Variants in SPATA13 observed in about 807,000 individuals in gnomAD.
SPATA13 encodes the protein spermatogenesis-associated protein 13.
SPATA13 carries 50 observed loss-of-function variants against 104.0 expected under a neutral mutation model. The observed-to-expected ratio is 0.48, with a 90% CI of 0.38 to 0.61. The LOEUF is 0.61. Ranked by LOEUF, SPATA13 falls within the 20% of genes least tolerant of loss-of-function variation. The probability of loss-of-function intolerance (pLI) is 0.00; values close to 1 mark genes in which losing one functional copy is unlikely to be tolerated. For missense variants in SPATA13, 1,524 were observed against 1,690.6 expected (o/e 0.90, Z 1.73); for synonymous variants, 606 against 667.5 (o/e 0.91, Z 1.42).
chr13:24,192,765 T>C (rs1042715091), intron 1 of SPATA13, among the ~76,000 whole-genome samples: 1 of 151,980 alleles, frequency 6.6e-6, no homozygotes, highest in Non-Finnish European at 1.5e-5. Context: ...AGGGGTGCCA[T>C]GGAGACAGAT....
chr13:24,300,969 G>T (rs142739512), intron 12 of SPATA13, among the ~76,000 whole-genome samples: 1 of 152,142 alleles, frequency 6.6e-6, no homozygotes, highest in Non-Finnish European at 1.5e-5. Flanking sequence ...AAAAAGACAC[G>T]TGAGCTGATT....
chr13:24,172,520 G>A (rs1259334737), intron 1 of SPATA13, among the ~76,000 whole-genome samples: 1 of 152,152 alleles, frequency 6.6e-6, no homozygotes, highest in African/African-American at 2.4e-5. Context: ...ATCCATTCAA[G>A]TTAATTTTTG....
chr13:24,138,305 G>GAAA (rs758105978), intron 3 of SPATA13, among the ~76,000 whole-genome samples: 4 of 50,240 alleles, frequency 8.0e-5, no homozygotes, highest in East Asian at 2.4e-3. Context: ...GACTCCGTCT[G>GAAA]AAAAAAAAAA....
chr13:24,122,091 C>T (rs942858102), intron 3 of SPATA13: 2 of 1,609,620 alleles, frequency 1.2e-6, no homozygotes, highest in African/African-American at 1.3e-5. Flanking sequence ...GCTGGGCCTC[C>T]AAAATTGAAA....
intron 3 of SPATA13, among the ~76,000 whole-genome samples, chr13:24,124,690 A>G (rs1020995608): frequency 6.6e-6 from 1 of 152,210 alleles, no homozygotes; most frequent in Middle Eastern, 3.2e-3. Context: ...TTGTATAGAT[A>G]CTGCTTTTGT....
At position 24,286,388 on chromosome 13, in the gene SPATA13, G is replaced by C. The variant is rs142244461; in HGVS notation, c.2476G>C (p.Val826Leu). ...DKEAWFPASF[V>L]RLRVNQEELS... The stretch of plus-strand genomic sequence containing the variant: ...GGAAGCCTGGTTCCCCGCGAGCTTC[G>C]TCAGAGTAAGTGTGGGGTGCTTGCA... Residue 826 changes from valine (V) to leucine (L), a missense_variant, in exon 6 of 13, where the codon GTC becomes CTC. Transcript: ENST00000382108. The surrounding 1 kb of genome is among the most constrained non-coding windows in gnomAD (Gnocchi z 4.9). 1.9e-6 allele frequency: 3 copies of C among 1,611,744 alleles called. No homozygotes were observed. The highest frequency in any genetic ancestry group is 2.5e-6 in the Non-Finnish European group (3 of 1,179,644).
intron 1 of SPATA13, among the ~76,000 whole-genome samples, chr13:24,181,248 A>T (rs1468156783): frequency 6.6e-6 from 1 of 152,162 alleles, no homozygotes; most frequent in Non-Finnish European, 1.5e-5. Context: ...CACTTAGTCC[A>T]CTCTAAATGT....
At chr13:24,297,756 C>T in intron 11 of SPATA13, 21 bp downstream of exon 11, 6 of 1,592,624 alleles carry the variant, frequency 3.8e-6, no homozygotes, top group South Asian at 1.1e-5. Context: ...CTTGGCTCTG[C>T]AGGCACCTGT....
chr13:24,118,907 T>G (rs564478656), intron 3 of SPATA13, among the ~76,000 whole-genome samples: 1 of 87,234 alleles, frequency 1.1e-5, no homozygotes, highest in Non-Finnish European at 2.4e-5. Context: ...TTTTCTTTTC[T>G]TTTCTTTTTT....
At chr13:24,235,041 A>C (rs34673192) in intron 2 of SPATA13, among the ~76,000 whole-genome samples, 1,576 of 152,386 alleles carry the variant, frequency 0.01, 8 homozygotes, top group Middle Eastern at 0.037. Context: ...GTGCCTTGGA[A>C]CATGGTAAAT....
In SPATA13 at chr13:24,294,744, A is replaced by G. The variant is rs1427578555; in HGVS notation, c.3086A>G (p.Tyr1029Cys). The G allele has an allele frequency of 1.3e-6, 2 of 1,589,136 alleles. No homozygotes were observed. Among genetic ancestry groups the G allele is most frequent in the Non-Finnish European group, 1.7e-6 (2 of 1,159,234 alleles). Residue 1029 changes from tyrosine to cysteine, a missense_variant, in exon 10 of 13, where the codon TAC becomes TGC. Coordinates refer to ENST00000382108, the MANE Select transcript of SPATA13 (RefSeq NM_001166271.3). The part of the protein sequence containing the change: ...LKYTTQEHGD[Y>C]SNIKAAYEAM... The stretch of plus-strand genomic sequence containing the variant: ...ATTAACCTCCCATCTTGCAGTGATT[A>G]CAGCAACATAAAGGCAGCATATGAG...
intron 3 of SPATA13, among the ~76,000 whole-genome samples, chr13:24,085,267 C>T (rs1879680627): frequency 6.6e-6 from 1 of 152,158 alleles, no homozygotes; most frequent in Non-Finnish European, 1.5e-5. Flanking sequence ...GGACTACAGG[C>T]AGGTGCCTGC....
At chr13:24,002,075 A>G (rs1239206592) in intron 2 of SPATA13, among the ~76,000 whole-genome samples, 2 of 151,968 alleles carry the variant, frequency 1.3e-5, no homozygotes, top group African/African-American at 4.8e-5. Flanking sequence ...GAGTGACGAG[A>G]GGTCACTGTG....
Position 24,223,066 on chromosome 13 carries a change from C to T in SPATA13, c.137C>T (p.Ala46Val), listed in dbSNP as rs929997772. The T allele has an allele frequency of 6.4e-7, 1 of 1,551,744 alleles. No homozygotes were observed. ...LKDAKMVTSL[A>V]CGNGVCGCSP... ...GACGCCAAGATGGTGACCTCCCTTG[C>T]GTGTGGAAATGGAGTCTGTGGCTGC... The change falls in exon 2 of 13, where the codon GCG becomes GTG. Residue 46 changes from alanine to valine, a missense_variant. Coordinates refer to ENST00000382108, the MANE Select transcript of SPATA13 (RefSeq NM_001166271.3).
At chr13:24,219,077 C>T (rs1210338073) in intron 1 of SPATA13, among the ~76,000 whole-genome samples, 1 of 150,684 alleles carries the variant, frequency 6.6e-6, no homozygotes, top group African/African-American at 2.4e-5. Flanking sequence ...GTGGATTTCA[C>T]AATATTCCTA....
chr13:24,128,551 A>G (rs1278422226), intron 3 of SPATA13, among the ~76,000 whole-genome samples: 2 of 152,054 alleles, frequency 1.3e-5, no homozygotes, highest in African/African-American at 4.8e-5. Context: ...GCTTTCTGAG[A>G]ATAGCCTGTC....
intron 1 of SPATA13, among the ~76,000 whole-genome samples, chr13:24,164,321 T>C (rs1026443292): frequency 1.3e-5 from 2 of 152,232 alleles, no homozygotes; most frequent in African/African-American, 4.8e-5. Flanking sequence ...CTGAGCCCCC[T>C]TGCTCCTGCC....
At position 24,251,291 on chromosome 13, in the gene SPATA13, G is replaced by A. The variant is rs575892105; in HGVS notation, c.2020-427G>A. ...TAAATGAGGCTGAAGAAGGATGTGA[G>A]GATCACAGATGGCCACCCTGGCCGG... On this transcript the variant is annotated intron_variant, in intron 3 of 12. Transcript: ENST00000382108. Among the ~76,000 whole-genome samples the A allele has an allele frequency of 2.6e-5, 4 of 152,326 alleles. No individual in the cohort carries two copies. In the South Asian group the frequency reaches 6.2e-4, roughly 24 times the overall value.
intron 3 of SPATA13, among the ~76,000 whole-genome samples, chr13:24,108,925 G>C (rs936068681): frequency 2.6e-5 from 4 of 151,972 alleles, no homozygotes; most frequent in African/African-American, 9.7e-5. Context: ...TCTCTTCCCT[G>C]CTTGTAGCCC....
Sources: allele counts gnomAD v4.1 joint callset (sites outside exome capture counted in the v4.1 genomes callset), GRCh38; gene constraint gnomAD v4.1.1; non-coding constraint Gnocchi (gnomAD v3.1); transcripts MANE v1.5; gene names NCBI Gene and HGNC (gene_info 2026-07-23, HGNC 2026-07-21).